Variants in MCTP1 observed in about 807,000 individuals in gnomAD.
MCTP1 encodes multiple C2 and transmembrane domain containing 1.
MCTP1 carries 69 observed loss-of-function variants against 120.6 expected under a neutral mutation model. The observed-to-expected ratio is 0.57, with a 90% confidence interval of 0.47 to 0.70. MCTP1 has a LOEUF of 0.70. Among genes scored for constraint, MCTP1 ranks in the 30% least tolerant of loss-of-function variants. MCTP1 has a pLI of 0.00. For synonymous variants in MCTP1, 529 were observed against 493.1 expected (o/e 1.07, Z -0.96); for missense variants, 1,203 against 1,248.8 (o/e 0.96, Z 0.55).
At chr5:94,735,471 C>A (rs1429742610) in intron 19 of MCTP1, among the ~76,000 whole-genome samples, 1 of 152,024 alleles carries the variant, frequency 6.6e-6, no homozygotes, top group Non-Finnish European at 1.5e-5. Flanking sequence ...GAGACAGGGT[C>A]TTTCCATGAT....
intron 1 of MCTP1, among the ~76,000 whole-genome samples, chr5:95,098,439 CA>C (rs1187653351): frequency 4.6e-5 from 7 of 152,116 alleles, no homozygotes; most frequent in African/African-American, 1.7e-4. Context: ...TATCAATAAT[CA>C]ATGTACAAAA....
chr5:94,728,254 C>G (rs186568084), intron 19 of MCTP1, among the ~76,000 whole-genome samples: 3 of 152,230 alleles, frequency 2.0e-5, no homozygotes, highest in Non-Finnish European at 4.4e-5. Flanking sequence ...AAAAATGGCT[C>G]AAATTCTTAA....
intron 1 of MCTP1, among the ~76,000 whole-genome samples, chr5:95,167,606 T>C (rs1217580654): frequency 6.6e-6 from 1 of 152,222 alleles, no homozygotes; most frequent in African/African-American, 2.4e-5. Flanking sequence ...CCATTCTAAC[T>C]GGTGTGAGAT....
chr5:94,761,419 T>A (rs191076539), intron 19 of MCTP1, among the ~76,000 whole-genome samples: 100 of 152,316 alleles, frequency 6.6e-4, no homozygotes, highest in Admixed American at 5.9e-3. Context: ...CCTTTCATAT[T>A]TTAGTGGGGA....
At chr5:94,838,781 G>A (rs1249942588) in intron 17 of MCTP1, among the ~76,000 whole-genome samples, 1 of 152,126 alleles carries the variant, frequency 6.6e-6, no homozygotes, top group Non-Finnish European at 1.5e-5. Context: ...CATTCAGAGA[G>A]CTTTAGAGTA....
intron 1 of MCTP1, among the ~76,000 whole-genome samples, chr5:95,150,483 C>A (rs1346923120): frequency 6.6e-6 from 1 of 152,102 alleles, no homozygotes; most frequent in Non-Finnish European, 1.5e-5. Context: ...GGAGTAAAAT[C>A]TTTGGCTTTA....
At chr5:95,282,859 T>G (rs1319076443) in intron 1 of MCTP1, among the ~76,000 whole-genome samples, 1 of 152,228 alleles carries the variant, frequency 6.6e-6, no homozygotes, top group East Asian at 1.9e-4. Flanking sequence ...GCCTGTTTCT[T>G]TGTAGCTGAG....
intron 17 of MCTP1, among the ~76,000 whole-genome samples, chr5:94,833,212 G>A (rs573815753): frequency 6.6e-6 from 1 of 150,378 alleles, no homozygotes; most frequent in African/African-American, 2.5e-5. Context: ...CTTTTTTTTT[G>A]GCATTATGTT....
chr5:94,956,919 C>G (rs976147881), intron 2 of MCTP1, among the ~76,000 whole-genome samples: 1 of 152,084 alleles, frequency 6.6e-6, no homozygotes, highest in Non-Finnish European at 1.5e-5. Flanking sequence ...CAGAAAACAC[C>G]ACAAAGATAC....
intron 1 of MCTP1, among the ~76,000 whole-genome samples, chr5:95,169,368 G>C (rs965886279): frequency 6.6e-6 from 1 of 152,050 alleles, no homozygotes; most frequent in African/African-American, 2.4e-5. Flanking sequence ...TTTTTTTGTG[G>C]TGTTTATGCC....
intron 17 of MCTP1, among the ~76,000 whole-genome samples, chr5:94,838,365 AT>A (rs1198647530): frequency 6.6e-6 from 1 of 152,240 alleles, no homozygotes; most frequent in Non-Finnish European, 1.5e-5. Context: ...CTTGAAGTCA[AT>A]TTAAATTTTC....
At chr5:94,902,379 C>T (rs1805764597) in intron 10 of MCTP1, among the ~76,000 whole-genome samples, 1 of 152,110 alleles carries the variant, frequency 6.6e-6, no homozygotes, top group South Asian at 2.1e-4. Flanking sequence ...TATCTGCTCT[C>T]TTTAATATAT....
At chr5:95,101,338 AT>A (rs1172813335) in intron 1 of MCTP1, among the ~76,000 whole-genome samples, 1 of 152,232 alleles carries the variant, frequency 6.6e-6, no homozygotes, top group Non-Finnish European at 1.5e-5. Flanking sequence ...AATAGGTAAT[AT>A]TTCCTGTTGA....
At chr5:95,008,681 T>A (rs969521719) in intron 2 of MCTP1, among the ~76,000 whole-genome samples, 15 of 152,140 alleles carry the variant, frequency 9.9e-5, no homozygotes, top group Non-Finnish European at 1.9e-4. Flanking sequence ...AAGTTAAAGA[T>A]CTTGATGAGA....
chr5:95,218,690 T>C lies in MCTP1; in HGVS notation c.720+65166A>G, dbSNP rs78253609. On this transcript the variant is annotated intron_variant, in intron 1 of 22. Coordinates refer to ENST00000515393, the MANE Select transcript of MCTP1 (RefSeq NM_024717.7). ...AACAATAAGGATACATTCTGAGAAA[T>C]GCATTGTGGGTGATTTTGTTGTTTT... Among the ~76,000 whole-genome samples the C allele has an allele frequency of 1.1e-3, 175 of 152,286 alleles. 1 individual carries two copies. The highest frequency in any genetic ancestry group is 4.0e-3 in the African/African-American group (165 of 41,572).
intron 1 of MCTP1, among the ~76,000 whole-genome samples, chr5:95,034,224 T>G (rs979958904): frequency 6.6e-6 from 1 of 151,780 alleles, no homozygotes; most frequent in Non-Finnish European, 1.5e-5. Flanking sequence ...AAAAAAAAAT[T>G]CTAAAATGTA....
intron 2 of MCTP1, among the ~76,000 whole-genome samples, chr5:94,971,748 G>C (rs1304324202): frequency 1.3e-5 from 2 of 152,218 alleles, no homozygotes; most frequent in East Asian, 1.9e-4. Flanking sequence ...ACCACACAGA[G>C]AGCCATCTGC....
rs998093311 is a variant in MCTP1, at chr5:94,714,544, C to CTACAAGTATGACT, written c.2720+220_2720+232dup. ...TTAGGACGGTGTTATTTCTTCAAAG[C>CTACAAGTATGACT]TACAAGTATGACTTCTTTCCAACCA... On this transcript the variant is annotated intron_variant, in intron 20 of 22. Transcript: ENST00000515393. Among the ~76,000 whole-genome samples the CTACAAGTATGACT allele has an allele frequency of 1.0e-3, 155 of 152,104 alleles. 2 individuals carry two copies. The highest frequency in any genetic ancestry group is 5.9e-5 in the Non-Finnish European group (4 of 68,014).
At chr5:94,957,848 T>A (rs1267583816) in intron 2 of MCTP1, among the ~76,000 whole-genome samples, 1 of 152,210 alleles carries the variant, frequency 6.6e-6, no homozygotes, top group African/African-American at 2.4e-5. Flanking sequence ...ACTGTCTATA[T>A]TAGACAGATC....
Sources: gnomAD v4.1 joint callset for allele counts (sites outside exome capture counted in the v4.1 genomes callset) on GRCh38, gnomAD v4.1.1 for gene constraint, MANE v1.5 for transcripts, NCBI Gene and HGNC (gene_info 2026-07-23, HGNC 2026-07-21) for gene names.